Variants in TLCD4 observed in about 807,000 individuals in gnomAD.
TLCD4 encodes TLC domain containing 4.
A neutral mutation model predicts 24.2 loss-of-function variants in TLCD4; 7 were observed. That is an observed-to-expected ratio of 0.29 (90% CI 0.16 to 0.54). TLCD4 has a LOEUF of 0.54. Among genes scored for constraint, TLCD4 ranks in the 20% least tolerant of loss-of-function variants. TLCD4 has a pLI of 0.95. For missense variants in TLCD4, 259 were observed against 313.9 expected (o/e 0.82, Z 1.32); for synonymous variants, 103 against 106.4 (o/e 0.97, Z 0.20).
upstream of TLCD4, among the ~76,000 whole-genome samples, chr1:95,114,289 G>GA (rs1204983674): frequency 6.6e-6 from 1 of 152,136 alleles, no homozygotes; most frequent in Non-Finnish European, 1.5e-5. Flanking sequence ...ACCAACACAG[G>GA]AAAAAGTAGT....
At chr1:95,141,454 GA>G (rs1227360672) in intron 1 of TLCD4, among the ~76,000 whole-genome samples, 3 of 152,074 alleles carry the variant, frequency 2.0e-5, no homozygotes, top group Non-Finnish European at 4.4e-5. Flanking sequence ...GTCTTCAGGG[GA>G]AACCTCCTCA....
At position 95,119,252 on chromosome 1, in the gene TLCD4, A is replaced by C. The variant is rs912102014; in HGVS notation, c.-12+1635A>C. On this transcript the variant is annotated intron_variant, in intron 1 of 6. Coordinates refer to ENST00000370203, the MANE Select transcript of TLCD4 (RefSeq NM_152487.3). ...CCCAGGGAAGCTAGGTCTTCACTGGAGTCTTCTGAATAGGTCCTGGAGTAC... is the reference window on the plus strand; with the variant it reads ...CCCAGGGAAGCTAGGTCTTCACTGGCGTCTTCTGAATAGGTCCTGGAGTAC... Among the ~76,000 whole-genome samples, 76 of 152,180 alleles carry C rather than the reference A, an allele frequency of 5.0e-4. 2 individuals are homozygous for C. Among genetic ancestry groups the C allele is most frequent in the Non-Finnish European group, 2.9e-5 (2 of 68,034 alleles).
At chr1:95,188,912 A>G (rs1176367670) in intron 6 of TLCD4, among the ~76,000 whole-genome samples, 1 of 152,204 alleles carries the variant, frequency 6.6e-6, no homozygotes, top group Non-Finnish European at 1.5e-5. Flanking sequence ...TTACTGAGGC[A>G]TCATTGTTTC....
chr1:95,106,756 A>G, the TLCD4 span, among the ~76,000 whole-genome samples: 2 of 152,234 alleles, frequency 1.3e-5, no homozygotes, highest in Admixed American at 1.3e-4. Context: ...TATATTGCAA[A>G]GTATAACAAA....
the TLCD4 span, among the ~76,000 whole-genome samples, chr1:95,101,325 C>T: frequency 1.3e-5 from 2 of 151,800 alleles, no homozygotes; most frequent in Admixed American, 1.3e-4. Context: ...GTGATCATAG[C>T]TCACTGCAGT....
At chr1:95,123,576 C>T (rs1474187083) in intron 1 of TLCD4, among the ~76,000 whole-genome samples, 1 of 152,164 alleles carries the variant, frequency 6.6e-6, no homozygotes, top group Non-Finnish European at 1.5e-5. Flanking sequence ...TTCACCTCTG[C>T]TTCCTCTTCC....
chr1:95,141,791 G>GCACACACACACACACA, intron 1 of TLCD4, among the ~76,000 whole-genome samples: 1 of 44,584 alleles, frequency 2.2e-5, no homozygotes, highest in Admixed American at 2.7e-4. Flanking sequence ...TTTTTACCAA[G>GCACACACACACACACA]TACACACACA....
intron 6 of TLCD4, 124 bp downstream of exon 6, chr1:95,174,013 T>C (rs1678328500): frequency 2.2e-6 from 3 of 1,361,154 alleles, no homozygotes; most frequent in African/African-American, 1.5e-5. Context: ...TGAATTGTTA[T>C]CACCATCATA....
At chr1:95,109,632 C>T in the TLCD4 span, among the ~76,000 whole-genome samples, 1 of 151,398 alleles carries the variant, frequency 6.6e-6, no homozygotes, top group Non-Finnish European at 1.5e-5. Context: ...GGACTACAGG[C>T]GTGTGCAACC....
At chr1:95,094,701 A>G in the TLCD4 span, among the ~76,000 whole-genome samples, 1 of 152,132 alleles carries the variant, frequency 6.6e-6, no homozygotes. Context: ...CTCAGGTGAA[A>G]CCAGCAGAAG....
At chr1:95,127,969 T>C (rs1676784208) in intron 1 of TLCD4, among the ~76,000 whole-genome samples, 1 of 152,196 alleles carries the variant, frequency 6.6e-6, no homozygotes, top group Non-Finnish European at 1.5e-5. Flanking sequence ...TATAAAAGTT[T>C]TAAGTGAGTC....
chr1:95,145,839 C>A (rs1040589645), intron 2 of TLCD4, among the ~76,000 whole-genome samples: 5 of 152,132 alleles, frequency 3.3e-5, no homozygotes, highest in Non-Finnish European at 1.5e-5. Context: ...TTCTATGACA[C>A]AGGAAATACC....
At chr1:95,104,202 G>C in the TLCD4 span, among the ~76,000 whole-genome samples, 1 of 152,134 alleles carries the variant, frequency 6.6e-6, no homozygotes, top group East Asian at 1.9e-4. Context: ...ACAGAACTTT[G>C]AGCTTCCTAA....
At chr1:95,116,315 TA>T (rs1676429091), upstream of TLCD4, among the ~76,000 whole-genome samples, 1 of 152,228 alleles carries the variant, frequency 6.6e-6, no homozygotes, top group Admixed American at 6.5e-5. Flanking sequence ...GGTTCTGATT[TA>T]AATTCTATTG....
Position 95,192,135 on chromosome 1 carries a change from A to C in TLCD4, c.*267A>C. 2.2e-6 allele frequency: 1 copy of C among 460,458 alleles called. No individual in the cohort carries two copies. Among genetic ancestry groups the C allele is most frequent in the Non-Finnish European group, 3.2e-6 (1 of 309,556 alleles). The allele number at this position is 460,458 out of a possible 1,614,324, so 28.5% of individuals were successfully genotyped here. ...ACATGGTGAAACCTCATCTCTACTA[A>C]AAATACAAAAAAAAGTAGCTGGGCG... On this transcript the variant is annotated 3_prime_UTR_variant, in exon 7 of 7. Coordinates refer to ENST00000370203, the MANE Select transcript of TLCD4 (RefSeq NM_152487.3).
At position 95,144,059 on chromosome 1, in the gene TLCD4, A is replaced by G. The variant is rs760372588; in HGVS notation, c.155+3A>G. The G allele has an allele frequency of 6.8e-7, 1 of 1,472,300 alleles. No individual in the cohort carries two copies. The highest frequency in any genetic ancestry group is 2.6e-5 in the Admixed American group (1 of 38,538). 91.2% of individuals were successfully genotyped at this position (1,472,300 alleles called of 1,614,324 possible). ...AAGAAGATTGAATGGAACTCAAGGT[A>G]AAGCATATGAAAATGTAATTGATGA... On this transcript the variant is annotated splice_donor_region_variant and intron_variant, in intron 2 of 6. Transcript: ENST00000370203.
the TLCD4 span, among the ~76,000 whole-genome samples, chr1:95,102,771 A>G: frequency 6.6e-6 from 1 of 152,216 alleles, no homozygotes; most frequent in Non-Finnish European, 1.5e-5. Flanking sequence ...ATTTAGAGCT[A>G]AGAATCAAAG....
intron 1 of TLCD4, among the ~76,000 whole-genome samples, chr1:95,118,906 C>T (rs893638965): frequency 1.3e-5 from 2 of 152,186 alleles, no homozygotes; most frequent in African/African-American, 4.8e-5. Flanking sequence ...CCTGTGCCAT[C>T]TGATAACCCA....
chr1:95,115,232 G>A (rs796353224), upstream of TLCD4, among the ~76,000 whole-genome samples: 4 of 151,738 alleles, frequency 2.6e-5, no homozygotes, highest in South Asian at 2.1e-4. Flanking sequence ...TCAGCCTCTC[G>A]AGTAGCTGAG....
Sources: allele counts gnomAD v4.1 joint callset (sites outside exome capture counted in the v4.1 genomes callset), GRCh38; gene constraint gnomAD v4.1.1; transcripts MANE v1.5; gene names NCBI Gene and HGNC (gene_info 2026-07-23, HGNC 2026-07-21).